Variants in RGS6 observed in about 807,000 individuals in gnomAD.
RGS6 encodes regulator of G-protein signaling 6.
In RGS6, 30 loss-of-function variants were observed where a neutral mutation model predicts 78.5. The observed-to-expected ratio is 0.38, with a 90% CI of 0.29 to 0.52. The LOEUF is 0.52. Ranked by LOEUF, RGS6 falls within the 20% of genes least tolerant of loss-of-function variation. RGS6 has a pLI of 0.85. For missense variants in RGS6, 495 were observed against 609.7 expected (o/e 0.81, Z 1.98); for synonymous variants, 206 against 206.0 (o/e 1.00, Z 0.00).
chr14:72,238,576 T>C (rs960118005), intron 2 of RGS6, among the ~76,000 whole-genome samples: 1 of 152,198 alleles, frequency 6.6e-6, no homozygotes, highest in Non-Finnish European at 1.5e-5. Flanking sequence ...TTATGTATAT[T>C]TTCCCCTTTT....
intron 2 of RGS6, among the ~76,000 whole-genome samples, chr14:72,002,500 C>T (rs1198860682): frequency 6.6e-6 from 1 of 152,088 alleles, no homozygotes; most frequent in Non-Finnish European, 1.5e-5. Flanking sequence ...GCAGAAACCA[C>T]AGTCTTTACA....
chr14:72,442,665 T>G (rs1384485950), intron 3 of RGS6, among the ~76,000 whole-genome samples: 1 of 152,206 alleles, frequency 6.6e-6, no homozygotes, highest in Non-Finnish European at 1.5e-5. Context: ...GGACTGAACA[T>G]CTTACAGGTG....
rs902033645 is a variant in RGS6 at position 72,070,242 on chromosome 14, T to A, written c.84+105367T>A. ...CTGTTCATTTTTCTTACAGCTTTGT[T>A]ATGAGGATTCTTCCAGGTCTGAGTT... On this transcript the variant is annotated intron_variant, in intron 2 of 17. Transcript: ENST00000553525. Among the ~76,000 whole-genome samples, 2 of 152,174 alleles carry A rather than the reference T, an allele frequency of 1.3e-5. 1 individual carries two copies. Among genetic ancestry groups the A allele is most frequent in the South Asian group, 4.1e-4 (2 of 4,822 alleles).
At chr14:71,990,365 G>T (rs2094902747) in intron 2 of RGS6, among the ~76,000 whole-genome samples, 1 of 152,142 alleles carries the variant, frequency 6.6e-6, no homozygotes. Context: ...CTTTCCACAT[G>T]GTTCCAAATG....
chr14:72,111,140 T>A (rs759178500), intron 2 of RGS6, among the ~76,000 whole-genome samples: 6 of 152,242 alleles, frequency 3.9e-5, no homozygotes, highest in Non-Finnish European at 7.3e-5. Context: ...TAATAATCTG[T>A]GATCCTTTCC....
chr14:71,903,145 G>A, the RGS6 span, among the ~76,000 whole-genome samples: 2 of 152,212 alleles, frequency 1.3e-5, no homozygotes, highest in African/African-American at 4.8e-5. Context: ...TCTGTGGGGA[G>A]TAAAGGCAGT....
At chr14:72,290,156 C>T (rs1039903608) in intron 2 of RGS6, among the ~76,000 whole-genome samples, 5 of 152,160 alleles carry the variant, frequency 3.3e-5, no homozygotes, top group African/African-American at 9.7e-5. Context: ...GAGATTTTAT[C>T]GCAAAGAATT....
intron 2 of RGS6, among the ~76,000 whole-genome samples, chr14:72,068,365 G>C (rs868290801): frequency 4.2e-4 from 64 of 151,918 alleles, no homozygotes; most frequent in Middle Eastern, 3.4e-3. Context: ...GAACTTGTGA[G>C]CTCAGGCCAT....
chr14:72,103,679 A>G (rs1449970585), intron 2 of RGS6, among the ~76,000 whole-genome samples: 1 of 152,246 alleles, frequency 6.6e-6, no homozygotes, highest in Non-Finnish European at 1.5e-5. Context: ...TCTTACCCAG[A>G]TTGAAATGAA....
intron 2 of RGS6, among the ~76,000 whole-genome samples, chr14:72,203,821 CTTTTTTT>C (rs142494669): frequency 4.7e-5 from 5 of 106,726 alleles, no homozygotes; most frequent in Admixed American, 1.9e-4. Flanking sequence ...TTCTTTCTTT[CTTTTTTT>C]TTTTTTTTTT....
chr14:72,070,219 G>A (rs945811994), intron 2 of RGS6, among the ~76,000 whole-genome samples: 11 of 151,998 alleles, frequency 7.2e-5, no homozygotes, highest in African/African-American at 2.7e-4. Context: ...ACTGTGAGCT[G>A]TTCATTTTTC....
chr14:72,229,052 T>TG (rs1461227440), intron 2 of RGS6, among the ~76,000 whole-genome samples: 1 of 148,528 alleles, frequency 6.7e-6, no homozygotes, highest in African/African-American at 2.5e-5. Flanking sequence ...TGAAACTCCT[T>TG]GTTTCTGTCT....
At chr14:72,424,393 G>A (rs1299175751) in intron 3 of RGS6, among the ~76,000 whole-genome samples, 5 of 152,160 alleles carry the variant, frequency 3.3e-5, no homozygotes, top group Non-Finnish European at 7.3e-5. Flanking sequence ...TAGTTCAGGG[G>A]TCAGCAAACT....
rs1456671308 is a variant in RGS6, at chr14:72,410,943, C to A, written c.185-43585C>A. Among the ~76,000 whole-genome samples the A allele has an allele frequency of 2.6e-5, 4 of 152,130 alleles. No individual in the cohort carries two copies. In the South Asian group the frequency reaches 8.3e-4, roughly 32 times the overall value. On this transcript the variant is annotated intron_variant, in intron 3 of 17. Coordinates refer to ENST00000553525, the MANE Select transcript of RGS6 (RefSeq NM_001204424.2). The stretch of plus-strand genomic sequence containing the variant: ...ATTGGTCTATATCTCTGTTTTGGTA[C>A]CAGTACCATGCTGTTTTGGTTACTG...
intron 14 of RGS6, among the ~76,000 whole-genome samples, chr14:72,514,466 G>A (rs892111310): frequency 5.9e-5 from 9 of 152,224 alleles, no homozygotes; most frequent in Admixed American, 2.6e-4. Flanking sequence ...AGCCTCTAGG[G>A]AGAAAGGAGG....
chr14:72,313,444 T>G (rs544111505), intron 2 of RGS6, among the ~76,000 whole-genome samples: 1 of 152,356 alleles, frequency 6.6e-6, no homozygotes, highest in African/African-American at 2.4e-5. Flanking sequence ...CCGCTTGCTT[T>G]TCTTTCTTCC....
At chr14:71,992,396 G>A (rs984680041) in intron 2 of RGS6, among the ~76,000 whole-genome samples, 5 of 152,268 alleles carry the variant, frequency 3.3e-5, no homozygotes, top group African/African-American at 1.2e-4. Context: ...TACTTAACCA[G>A]TCAGAGTAAT....
At position 72,404,782 on chromosome 14, in the gene RGS6, T is replaced by C. The variant is rs140680051; in HGVS notation, c.185-49746T>C. On this transcript the variant is annotated intron_variant, in intron 3 of 17. Transcript: ENST00000553525. ...AGCAGGTGGAATTCGAGTGCCTGAA[T>C]TGAGGGAAGTGGGGGTCCTCCTGCA... Among the ~76,000 whole-genome samples, 284 of 152,178 alleles carry C rather than the reference T, an allele frequency of 1.9e-3. 6 individuals carry two copies. The East Asian group carries it at 0.048, about 25-fold the overall frequency.
At chr14:72,191,900 C>G (rs1296791098) in intron 2 of RGS6, among the ~76,000 whole-genome samples, 1 of 152,182 alleles carries the variant, frequency 6.6e-6, no homozygotes, top group Admixed American at 6.5e-5. Context: ...ATCAAGTGCT[C>G]CTTCCCTCTT....
Sources: allele counts gnomAD v4.1 joint callset (sites outside exome capture counted in the v4.1 genomes callset), GRCh38; gene constraint gnomAD v4.1.1; transcripts MANE v1.5; gene names NCBI Gene and HGNC (gene_info 2026-07-23, HGNC 2026-07-21).